Variants in F9 observed in about 807,000 individuals in gnomAD.
F9 encodes coagulation factor IX.
F9 carries 2 observed loss-of-function variants against 34.1 expected under a neutral mutation model. That is an observed-to-expected ratio of 0.06 (90% confidence interval 0.02 to 0.18). The LOEUF is 0.18. F9 is among the 10% of genes least tolerant of loss of function. The pLI, the probability that F9 is intolerant of heterozygous loss-of-function variation, is 1.00. For missense variants in F9, 216 were observed against 345.1 expected, an observed-to-expected ratio of 0.63 and a Z score of 2.96; for synonymous variants, 137 against 118.8, an observed-to-expected ratio of 1.15 and a Z score of -1.00.
intron 1 of F9, among the ~76,000 whole-genome samples, chrX:139,532,712 A>C (rs1373208133): frequency 8.9e-6 from 1 of 112,124 alleles, no homozygotes; most frequent in African/African-American, 3.2e-5. Flanking sequence ...TCTGGGTCTT[A>C]AAAGATGAGT....
rs766259893 is a variant in F9 at position 139,530,771 on chromosome X, C to T, written c.7C>T (p.Arg3Cys). The stretch of plus-strand genomic sequence containing the variant: ...CAATCTGCTAGCAAAGGTTATGCAG[C>T]GCGTGAACATGATCATGGCAGAATC... MQRVNMIMAESPG... is the reference protein window; with the variant it reads MQCVNMIMAESPG... Residue 3 changes from arginine to cysteine, a missense_variant, in exon 1 of 8, where the codon CGC becomes TGC. Physicochemically the swap from Arg to Cys is radical, Grantham distance 180. This residue lies in a region of F9 where 39 missense variants were observed against 33.3 expected (regional missense o/e 1.17). Transcript: ENST00000218099. 29 of 1,207,866 alleles carry T rather than the reference C, an allele frequency of 2.4e-5. No homozygotes were observed. The East Asian group carries it at 4.1e-4, about 17-fold the overall frequency.
At chrX:139,540,964 A>G in intron 3 of F9, 112 bp from the exon 4 acceptor site, 1 of 510,023 alleles carries the variant, frequency 2.0e-6, no homozygotes, top group Non-Finnish European at 3.3e-6. Flanking sequence ...CCAGGTCAGT[A>G]GTTTTGCTCT....
Position 139,551,166 on chromosome X carries a change from A to G in F9, c.625A>G (p.Thr209Ala), listed in dbSNP as rs1927833476. 8.3e-7 allele frequency: 1 copy of G among 1,209,187 alleles called. No homozygotes were observed. The highest frequency in any genetic ancestry group is 2.2e-5 in the Admixed American group (1 of 45,713). The stretch of plus-strand genomic sequence containing the variant: ...CTATGTAAATTCTACTGAAGCTGAA[A>G]CCATTTTGGATAACATCACTCAAAG... ...VDYVNSTEAETILDNITQSTQ... is the reference protein window; with the variant it reads ...VDYVNSTEAEAILDNITQSTQ... Residue 209 changes from threonine (T) to alanine (A), a missense_variant, in exon 6 of 8, where the codon ACC becomes GCC. Thr to Ala is a moderately conservative substitution (Grantham distance 58). Around this residue, in one of 2 missense-constraint regions of F9, gnomAD observed 177 missense variants for 311.8 expected, o/e 0.57. Coordinates refer to ENST00000218099, the MANE Select transcript of F9 (RefSeq NM_000133.4).
chrX:139,534,271 C>A (rs1927406268), intron 1 of F9, among the ~76,000 whole-genome samples: 1 of 111,972 alleles, frequency 8.9e-6, no homozygotes. Context: ...CCTGCCAACA[C>A]CTGTGAGATA....
chrX:139,544,711 G>A (rs1022655543), intron 4 of F9: 6 of 111,510 alleles, frequency 5.4e-5, no homozygotes, highest in African/African-American at 1.6e-4. Context: ...GAAGAGTGAG[G>A]CAGAAAGGAA....
At position 139,562,225 on chromosome X, in the gene F9, T is replaced by C; in HGVS notation, c.*154T>C. On this transcript the variant is annotated 3_prime_UTR_variant, in exon 8 of 8. Transcript: ENST00000218099. ...ACAGGGGAGAATTTCATATTTTACCTGAGCAAATTGATTAGAAAATGGAAC... is the reference window on the plus strand; with the variant it reads ...ACAGGGGAGAATTTCATATTTTACCCGAGCAAATTGATTAGAAAATGGAAC... The C allele has an allele frequency of 2.0e-6, 1 of 502,116 alleles. No individual in the cohort carries two copies. Among genetic ancestry groups the C allele is most frequent in the Non-Finnish European group, 3.3e-6 (1 of 305,696 alleles). 41.4% of individuals were successfully genotyped at this position (502,116 alleles called of 1,213,427 possible).
Position 139,536,139 on chromosome X carries a change from GATAT to G in F9, c.89-866_89-863del, listed in dbSNP as rs1173081948. On this transcript the variant is annotated intron_variant, in intron 1 of 7. Coordinates refer to ENST00000218099, the MANE Select transcript of F9 (RefSeq NM_000133.4). ...TCTCATATATATATATATATGATATGATATATATGATATATATGTGTGTGTATAT... is the reference window on the plus strand; with the variant it reads ...TCTCATATATATATATATATGATATGATATGATATATATGTGTGTGTATAT... Among the ~76,000 whole-genome samples, 365 of 104,957 alleles carry G rather than the reference GATAT, an allele frequency of 3.5e-3. 4 individuals carry two copies. The highest frequency in any genetic ancestry group is 0.012 in the African/African-American group (350 of 28,825). 91.1% of individuals were successfully genotyped at this position (104,957 alleles called of 115,157 possible).
intron 1 of F9, among the ~76,000 whole-genome samples, chrX:139,535,619 C>T (rs984221259): frequency 3.6e-5 from 4 of 111,109 alleles, no homozygotes; most frequent in African/African-American, 1.3e-4. Context: ...TCTTATAAGC[C>T]CTTGGTCCTC....
intron 6 of F9, among the ~76,000 whole-genome samples, chrX:139,555,243 C>A (rs1305888582): frequency 8.9e-6 from 1 of 112,423 alleles, no homozygotes; most frequent in Non-Finnish European, 1.9e-5. Flanking sequence ...AGGGAGAGGG[C>A]ATTTGTTCAC....
chrX:139,562,014 A>G lies in F9; in HGVS notation c.1329A>G (p.Ile443Met), dbSNP rs761124872. 2 of 1,209,699 alleles carry G rather than the reference A, an allele frequency of 1.7e-6. No individual in the cohort carries two copies. The highest frequency in any genetic ancestry group is 1.7e-5 in the African/African-American group (1 of 57,151). The change falls in exon 8 of 8, where the codon ATA (isoleucine) becomes ATG (methionine). Residue 443 changes from isoleucine to methionine, a missense_variant. This residue lies in a region of F9 where 177 missense variants were observed against 311.8 expected (regional missense o/e 0.57). Coordinates refer to ENST00000218099, the MANE Select transcript of F9 (RefSeq NM_000133.4). ...EECAMKGKYG[I>M]YTKVSRYVNW... Reference sequence around the variant, plus strand: ...GTGCAATGAAAGGCAAATATGGAATATATACCAAGGTATCCCGGTATGTCA... The same window carrying G: ...GTGCAATGAAAGGCAAATATGGAATGTATACCAAGGTATCCCGGTATGTCA...
intron 1 of F9, among the ~76,000 whole-genome samples, chrX:139,534,628 A>G (rs1927414286): frequency 8.9e-6 from 1 of 112,664 alleles, no homozygotes; most frequent in Non-Finnish European, 1.9e-5. Flanking sequence ...ACATTGTATT[A>G]GCTATTAAGA....
At chrX:139,537,832 G>T (rs4149682) in intron 3 of F9, among the ~76,000 whole-genome samples, 1 of 110,111 alleles carries the variant, frequency 9.1e-6, no homozygotes, top group Non-Finnish European at 1.9e-5. Flanking sequence ...TTCTCTCCTC[G>T]CACACTGGGC....
At chrX:139,534,630 C>T (rs1927414379) in intron 1 of F9, among the ~76,000 whole-genome samples, 1 of 112,320 alleles carries the variant, frequency 8.9e-6, no homozygotes, top group African/African-American at 3.2e-5. Context: ...ATTGTATTAG[C>T]TATTAAGAGA....
chrX:139,540,405 T>C (rs770595525), intron 3 of F9, among the ~76,000 whole-genome samples: 17 of 112,329 alleles, frequency 1.5e-4, no homozygotes, highest in Non-Finnish European at 2.8e-4. Context: ...TTTTAAATTC[T>C]GTATGATATA....
At chrX:139,551,831 T>C (rs1012270761) in intron 6 of F9, among the ~76,000 whole-genome samples, 1 of 111,189 alleles carries the variant, frequency 9.0e-6, no homozygotes, top group East Asian at 2.8e-4. Flanking sequence ...TCAGAATATC[T>C]AGGGGGTGGG....
At chrX:139,555,255 T>A (rs1236266201) in intron 6 of F9, among the ~76,000 whole-genome samples, 2 of 112,588 alleles carry the variant, frequency 1.8e-5, no homozygotes, top group Non-Finnish European at 3.8e-5. Context: ...TTTGTTCACC[T>A]GGCCAGAGAT....
At chrX:139,555,172 A>T (rs768800583) in intron 6 of F9, among the ~76,000 whole-genome samples, 7 of 112,027 alleles carry the variant, frequency 6.2e-5, no homozygotes, top group African/African-American at 2.3e-4. Flanking sequence ...TGTTTGTCGG[A>T]ATTGTTGACT....
intron 7 of F9, 34 bp from the exon 8 acceptor site, chrX:139,561,490 G>C: frequency 1.7e-6 from 2 of 1,163,210 alleles, no homozygotes; most frequent in Non-Finnish European, 2.3e-6. Flanking sequence ...GTGAAATACT[G>C]TTTGTGACTT....
chrX:139,534,901 C>A (rs1288292626), intron 1 of F9, among the ~76,000 whole-genome samples: 1 of 111,467 alleles, frequency 9.0e-6, no homozygotes, highest in Non-Finnish European at 1.9e-5. Context: ...GTGGTGGCAT[C>A]CATCTGCATT....
Sources: gnomAD v4.1 joint callset for allele counts (sites outside exome capture counted in the v4.1 genomes callset) on GRCh38, gnomAD v4.1.1 for gene constraint, gnomAD v4.1.1 regional missense constraint, MANE v1.5 for transcripts, NCBI Gene and HGNC (gene_info 2026-07-23, HGNC 2026-07-21) for gene names.